KCND3: variants seen among roughly 807,000 people sequenced by gnomAD.
KCND3 encodes the protein potassium voltage-gated channel subfamily D member 3.
A neutral mutation model predicts 51.1 loss-of-function variants in KCND3; 9 were observed. The ratio of observed to expected loss-of-function variants is 0.18; its 90% CI spans 0.11 to 0.31. The LOEUF (loss-of-function observed/expected upper bound fraction) is 0.31. Ranked by LOEUF, KCND3 falls within the 10% of genes least tolerant of loss-of-function variation. The pLI is 1.00. For missense variants in KCND3, 526 were observed against 903.8 expected, an observed-to-expected ratio of 0.58 and a Z score of 5.36; for synonymous variants, 349 against 368.0, an observed-to-expected ratio of 0.95 and a Z score of 0.59.
At chr1:111,877,928 G>A (rs1195591020) in intron 2 of KCND3, among the ~76,000 whole-genome samples, 1 of 152,144 alleles carries the variant, frequency 6.6e-6, no homozygotes, top group Non-Finnish European at 1.5e-5. Context: ...ACATTTACCG[G>A]GGCCCTACTA....
chr1:111,821,702 C>T (rs1666354624), intron 2 of KCND3, among the ~76,000 whole-genome samples: 1 of 152,200 alleles, frequency 6.6e-6, no homozygotes, highest in Non-Finnish European at 1.5e-5. Context: ...TCTTCTCCTC[C>T]TCCAGTACGA....
At chr1:111,845,610 C>T (rs908631901) in intron 2 of KCND3, among the ~76,000 whole-genome samples, 6 of 152,162 alleles carry the variant, frequency 3.9e-5, no homozygotes, top group Admixed American at 3.3e-4. Flanking sequence ...AGGAGTCATC[C>T]CTGACTTGTT....
intron 2 of KCND3, among the ~76,000 whole-genome samples, chr1:111,819,776 C>G (rs1039635960): frequency 2.6e-5 from 4 of 152,226 alleles, no homozygotes; most frequent in Admixed American, 1.3e-4. Flanking sequence ...GCACCTGTCA[C>G]TGGCTTGCCC....
chr1:111,781,552 C>T lies in KCND3; in HGVS notation c.1270-761G>A, dbSNP rs374970462. 7.9e-4 allele frequency among the ~76,000 whole-genome samples: 120 copies of T among 152,270 alleles called. 1 individual carries two copies. The South Asian group carries it at 8.9e-3, about 11-fold the overall frequency. ...TTTTTATTTTTTTGAGACGGAGTCTCGCTGTCACCCAGGCTGGTGTGCAGT... is the reference window on the plus strand; with the variant it reads ...TTTTTATTTTTTTGAGACGGAGTCTTGCTGTCACCCAGGCTGGTGTGCAGT... On this transcript the variant is annotated intron_variant, in intron 3 of 7. Coordinates refer to ENST00000302127, the MANE Select transcript of KCND3 (RefSeq NM_001378969.1).
intron 2 of KCND3, among the ~76,000 whole-genome samples, chr1:111,913,819 C>T (rs958298759): frequency 1.3e-5 from 2 of 152,126 alleles, no homozygotes; most frequent in Non-Finnish European, 2.9e-5. Flanking sequence ...CTATTTAAGC[C>T]TGGGAGGTCA....
At chr1:111,851,099 C>G (rs1667795613) in intron 2 of KCND3, among the ~76,000 whole-genome samples, 1 of 152,198 alleles carries the variant, frequency 6.6e-6, no homozygotes, top group Non-Finnish European at 1.5e-5. Flanking sequence ...CCTAATCATC[C>G]TTCAAAACCC....
At chr1:111,934,566 A>G (rs1672129366) in intron 2 of KCND3, among the ~76,000 whole-genome samples, 1 of 152,228 alleles carries the variant, frequency 6.6e-6, no homozygotes, top group African/African-American at 2.4e-5. Flanking sequence ...AGACTCGTGT[A>G]TGTTCTGGAA....
intron 2 of KCND3, among the ~76,000 whole-genome samples, chr1:111,921,252 A>G (rs534198506): frequency 1.5e-4 from 23 of 152,348 alleles, no homozygotes; most frequent in African/African-American, 5.3e-4. Context: ...GCAAGGCTAC[A>G]GCTGAAAAAT....
intron 2 of KCND3, among the ~76,000 whole-genome samples, chr1:111,970,009 TTC>T (rs1005937700): frequency 2.6e-5 from 4 of 151,810 alleles, no homozygotes; most frequent in African/African-American, 9.7e-5. Context: ...CAATCTTTCC[TTC>T]TCTCTCTCTC....
At chr1:111,891,460 TG>T (rs1324768507) in intron 2 of KCND3, among the ~76,000 whole-genome samples, 5 of 152,084 alleles carry the variant, frequency 3.3e-5, no homozygotes, top group Non-Finnish European at 7.4e-5. Context: ...CTTGCTGGAG[TG>T]GTGTCATGCA....
chr1:111,965,089 T>A (rs1462825878), intron 2 of KCND3, among the ~76,000 whole-genome samples: 1 of 135,558 alleles, frequency 7.4e-6, no homozygotes, highest in Non-Finnish European at 1.6e-5. Context: ...CAAACACTCA[T>A]TTTTTTTGTA....
chr1:111,846,414 ACTCT>A (rs1667550482), intron 2 of KCND3, among the ~76,000 whole-genome samples: 1 of 136,502 alleles, frequency 7.3e-6, no homozygotes, highest in South Asian at 2.5e-4. Flanking sequence ...CACCCATGAC[ACTCT>A]CTGCTGCTGC....
chr1:111,916,948 A>C (rs1039463049), intron 2 of KCND3, among the ~76,000 whole-genome samples: 7 of 152,220 alleles, frequency 4.6e-5, no homozygotes, highest in Admixed American at 4.6e-4. Context: ...AGATGGCTTC[A>C]CTGATAAATT....
intron 2 of KCND3, among the ~76,000 whole-genome samples, chr1:111,874,003 T>A (rs1401898726): frequency 6.6e-6 from 1 of 152,160 alleles, no homozygotes; most frequent in African/African-American, 2.4e-5. Context: ...GGGCGAGTCA[T>A]CTGTAGAAAT....
chr1:111,812,890 C>T (rs1016214988), intron 2 of KCND3, among the ~76,000 whole-genome samples: 1 of 152,220 alleles, frequency 6.6e-6, no homozygotes, highest in African/African-American at 2.4e-5. Flanking sequence ...GTTCTGGCAG[C>T]ATCCAGGAAG....
intron 2 of KCND3, among the ~76,000 whole-genome samples, chr1:111,791,841 G>C (rs1664842104): frequency 6.6e-6 from 1 of 152,226 alleles, no homozygotes; most frequent in Non-Finnish European, 1.5e-5. Context: ...TAGCTGATGG[G>C]AAGGACCTGG....
rs539450514 is a variant in KCND3 at position 111,810,724 on chromosome 1, G to A, written c.1107-23618C>T. Among the ~76,000 whole-genome samples, 209 of 152,330 alleles carry A rather than the reference G, an allele frequency of 1.4e-3. 1 individual carries two copies. The highest frequency in any genetic ancestry group is 4.1e-3 in the African/African-American group (170 of 41,562). ...GGAGCTGGTTTCAGGCTGTCAGCTC[G>A]AGGCTTTAATAACACAAAAGGCAAA... On this transcript the variant is annotated intron_variant, in intron 2 of 7. Coordinates refer to ENST00000302127, the MANE Select transcript of KCND3 (RefSeq NM_001378969.1).
At chr1:111,793,902 T>C (rs1213263481) in intron 2 of KCND3, among the ~76,000 whole-genome samples, 2 of 152,230 alleles carry the variant, frequency 1.3e-5, no homozygotes. Flanking sequence ...AAATAACGAC[T>C]CTCCTCTTCT....
chr1:111,825,132 T>A (rs910392660), intron 2 of KCND3, among the ~76,000 whole-genome samples: 8 of 152,218 alleles, frequency 5.3e-5, no homozygotes, highest in Non-Finnish European at 1.2e-4. Context: ...TCCATGTCCA[T>A]ACACCACCTA....
Sources: allele counts gnomAD v4.1 joint callset (sites outside exome capture counted in the v4.1 genomes callset), GRCh38; gene constraint gnomAD v4.1.1; transcripts MANE v1.5; gene names NCBI Gene and HGNC (gene_info 2026-07-23, HGNC 2026-07-21).